The following TRIP4 variants were observed in gnomAD, a reference collection of about 807,000 sequenced individuals.
TRIP4 encodes the protein thyroid hormone receptor interactor 4.
A neutral mutation model predicts 81.8 loss-of-function variants in TRIP4; 54 were observed. The observed-to-expected ratio is 0.66, with a 90% CI of 0.53 to 0.83. The LOEUF (loss-of-function observed/expected upper bound fraction) is 0.83. Ranked by LOEUF, TRIP4 falls within the 40% of genes least tolerant of loss-of-function variation. The pLI, the probability that TRIP4 is intolerant of heterozygous loss-of-function variation, is 0.00. For missense variants in TRIP4, 662 were observed against 683.6 expected (o/e 0.97, Z 0.35); for synonymous variants, 270 against 242.8 (o/e 1.11, Z -1.04).
intron 12 of TRIP4, among the ~76,000 whole-genome samples, chr15:64,452,828 G>A (rs1044440625): frequency 5.9e-5 from 9 of 152,056 alleles, no homozygotes; most frequent in Non-Finnish European, 8.8e-5. Flanking sequence ...AAAAATTGAG[G>A]ACAAGAGTGA....
intron 9 of TRIP4, among the ~76,000 whole-genome samples, chr15:64,420,210 C>T (rs1891981180): frequency 6.6e-6 from 1 of 151,762 alleles, no homozygotes; most frequent in Non-Finnish European, 1.5e-5. Flanking sequence ...CAACCTCCAC[C>T]TCCCGGGTTC....
intron 11 of TRIP4, among the ~76,000 whole-genome samples, chr15:64,438,907 G>A (rs921871002): frequency 6.6e-6 from 1 of 152,286 alleles, no homozygotes; most frequent in South Asian, 2.1e-4. Flanking sequence ...CTGTAAGTTT[G>A]TGTGTGTCTT....
At chr15:64,443,868 A>G (rs933882777) in intron 11 of TRIP4, among the ~76,000 whole-genome samples, 1 of 152,128 alleles carries the variant, frequency 6.6e-6, no homozygotes, top group African/African-American at 2.4e-5. Flanking sequence ...AAAAAAAACA[A>G]AACAAAAACA....
In TRIP4 at chr15:64,445,035, T is replaced by C. The variant is rs1350280855; in HGVS notation, c.1605T>C (p.Ser535=). Residue 535 remains serine (S), a synonymous_variant, in exon 12 of 13, where the codon TCT becomes TCC. Coordinates refer to ENST00000261884, the MANE Select transcript of TRIP4 (RefSeq NM_016213.5). ...CAGACATCAGTCAAGAGTCTGATTC[T>C]CCATTTGTTTTCATCTGCAAAAATC... ...QFPDISQESD[S]PFVFICKNPQ... is the part of the protein sequence containing the mutation. The C allele has an allele frequency of 6.3e-7, 1 of 1,598,114 alleles. No homozygotes were observed. The highest frequency in any genetic ancestry group is 1.7e-5 in the Admixed American group (1 of 58,912).
chr15:64,412,225 T>A (rs1839287448), intron 7 of TRIP4, among the ~76,000 whole-genome samples: 1 of 152,198 alleles, frequency 6.6e-6, no homozygotes, highest in African/African-American at 2.4e-5. Context: ...CTGGATATAC[T>A]TATCATTTTA....
chr15:64,395,610 A>T (rs1900269137), intron 3 of TRIP4, 79 bp downstream of exon 3: 15 of 1,478,396 alleles, frequency 1.0e-5, no homozygotes, highest in Non-Finnish European at 1.3e-5. Context: ...AGCAAAGTGT[A>T]CAAATTGGTC....
At chr15:64,414,325 G>A (rs1891840056) in intron 8 of TRIP4, 114 bp downstream of exon 8, 2 of 1,380,340 alleles carry the variant, frequency 1.4e-6, no homozygotes, top group African/African-American at 1.4e-5. Flanking sequence ...CAATACACCT[G>A]TACCAATCAG....
intron 11 of TRIP4, among the ~76,000 whole-genome samples, chr15:64,435,547 AT>A (rs1175049267): frequency 6.7e-6 from 1 of 149,652 alleles, no homozygotes; most frequent in Non-Finnish European, 1.5e-5. Flanking sequence ...AAAAAATATT[AT>A]TATTGCTTAG....
chr15:64,392,113 A>T (rs945016651), intron 1 of TRIP4, among the ~76,000 whole-genome samples: 4 of 151,146 alleles, frequency 2.6e-5, no homozygotes, highest in Non-Finnish European at 5.9e-5. Context: ...CGTCTCTACT[A>T]AAAAAAAGCA....
chr15:64,444,816 G>T (rs1212428225), intron 11 of TRIP4, 190 bp from the exon 12 acceptor site: 2 of 286,726 alleles, frequency 7.0e-6, no homozygotes, highest in East Asian at 7.3e-5. Context: ...GCAATAGACT[G>T]TATAATGCTG....
intron 7 of TRIP4, among the ~76,000 whole-genome samples, chr15:64,413,420 G>C (rs913278113): frequency 6.6e-6 from 1 of 151,798 alleles, no homozygotes; most frequent in South Asian, 2.1e-4. Context: ...CAAGTGATCC[G>C]CCCTCTTTGG....
intron 11 of TRIP4, among the ~76,000 whole-genome samples, chr15:64,439,651 G>A (rs1029041815): frequency 8.0e-5 from 12 of 150,160 alleles, no homozygotes; most frequent in Admixed American, 3.4e-4. Flanking sequence ...AGCCTCCCGA[G>A]TGGCTGGGAT....
At chr15:64,406,565 T>A (rs1891627936) in intron 6 of TRIP4, 106 bp downstream of exon 6, 1 of 1,389,454 alleles carries the variant, frequency 7.2e-7, no homozygotes, top group East Asian at 2.5e-5. Flanking sequence ...TGAAAGAGTT[T>A]ATAGCAAAAG....
intron 11 of TRIP4, among the ~76,000 whole-genome samples, chr15:64,436,954 G>C (rs1274421126): frequency 2.6e-5 from 4 of 151,212 alleles, no homozygotes; most frequent in African/African-American, 9.7e-5. Context: ...TGATCTGCCT[G>C]CCTCAGCCTC....
chr15:64,444,159 T>C (rs1303791044), intron 11 of TRIP4, among the ~76,000 whole-genome samples: 1 of 152,222 alleles, frequency 6.6e-6, no homozygotes, highest in Non-Finnish European at 1.5e-5. Context: ...CGGTAGTTAC[T>C]AGGAGAAAGT....
chr15:64,389,106 G>A (rs1042150658), intron 1 of TRIP4, among the ~76,000 whole-genome samples: 21 of 152,148 alleles, frequency 1.4e-4, no homozygotes, highest in African/African-American at 4.3e-4. Context: ...ACTTTCACCC[G>A]AGAACTAAGG....
intron 11 of TRIP4, among the ~76,000 whole-genome samples, chr15:64,426,158 T>G (rs867531938): frequency 2.0e-5 from 3 of 152,208 alleles, no homozygotes; most frequent in South Asian, 2.1e-4. Flanking sequence ...AAACCTTGCT[T>G]CTTTTGAAGA....
At chr15:64,431,782 C>T (rs2140304954) in intron 11 of TRIP4, among the ~76,000 whole-genome samples, 1 of 145,354 alleles carries the variant, frequency 6.9e-6, no homozygotes, top group South Asian at 2.1e-4. Context: ...GGGTTATTTG[C>T]AGTCTGGGTA....
intron 12 of TRIP4, among the ~76,000 whole-genome samples, chr15:64,449,221 A>T (rs1230483213): frequency 6.6e-6 from 1 of 152,058 alleles, no homozygotes; most frequent in Non-Finnish European, 1.5e-5. Flanking sequence ...CTAAAAAAAA[A>T]AAATTAATTA....
Sources: gnomAD v4.1 joint callset for allele counts (sites outside exome capture counted in the v4.1 genomes callset) on GRCh38, gnomAD v4.1.1 for gene constraint, MANE v1.5 for transcripts, NCBI Gene and HGNC (gene_info 2026-07-23, HGNC 2026-07-21) for gene names.